The following PAK1 variants were observed in gnomAD, a reference collection of about 807,000 sequenced individuals.
PAK1 encodes the protein p21 (RAC1) activated kinase 1, also known as serine/threonine-protein kinase PAK 1.
Under a neutral mutation model 67.4 loss-of-function variants are expected in PAK1, and 29 were observed. The observed-to-expected ratio is 0.43, with a 90% CI of 0.32 to 0.59. The LOEUF (loss-of-function observed/expected upper bound fraction) is 0.59, where lower values mean the gene tolerates loss of function less well. Among genes scored for constraint, PAK1 ranks in the 20% least tolerant of loss-of-function variants. PAK1 has a pLI of 0.07. For missense variants in PAK1, 337 were observed against 670.7 expected (o/e 0.50, Z 5.50); for synonymous variants, 223 against 237.4 (o/e 0.94, Z 0.56).
chr11:77,401,336 TGGTTTA>T (rs1368654372), intron 1 of PAK1, among the ~76,000 whole-genome samples: 1 of 152,126 alleles, frequency 6.6e-6, no homozygotes, highest in Non-Finnish European at 1.5e-5. Context: ...CCACTTGCTC[TGGTTTA>T]GCAACACCTG....
chr11:77,449,473 G>T (rs993035160), intron 1 of PAK1, among the ~76,000 whole-genome samples: 3 of 148,700 alleles, frequency 2.0e-5, no homozygotes, highest in African/African-American at 7.3e-5. Context: ...CCCAGAAAGG[G>T]GATAGGGCAG....
intron 1 of PAK1, among the ~76,000 whole-genome samples, chr11:77,436,313 C>A (rs1956128180): frequency 6.6e-6 from 1 of 152,102 alleles, no homozygotes; most frequent in Non-Finnish European, 1.5e-5. Flanking sequence ...GAAAAGAAAA[C>A]CAACAGATTT....
intron 14 of PAK1, among the ~76,000 whole-genome samples, chr11:77,326,821 T>G (rs991402641): frequency 6.6e-6 from 1 of 152,142 alleles, no homozygotes; most frequent in African/African-American, 2.4e-5. Flanking sequence ...AGGCCTCAGA[T>G]GATCAGACTA....
chr11:77,474,232 CGGCT>C (rs1958015096), upstream of PAK1: 2 of 151,756 alleles, frequency 1.3e-5, no homozygotes, highest in African/African-American at 4.8e-5. Context: ...GCGGCGGCTG[CGGCT>C]CCGGTGGAGC....
intron 5 of PAK1, among the ~76,000 whole-genome samples, chr11:77,359,264 G>A (rs923391800): frequency 3.9e-5 from 6 of 152,066 alleles, no homozygotes; most frequent in African/African-American, 1.4e-4. Context: ...AGCTGTGAAT[G>A]GGAAGCTAGC....
the PAK1 span, among the ~76,000 whole-genome samples, chr11:77,506,456 A>G: frequency 6.6e-6 from 1 of 152,194 alleles, no homozygotes; most frequent in African/African-American, 2.4e-5. Flanking sequence ...GGACATAAGG[A>G]CAAGGTAAGG....
At chr11:77,474,216 G>A (rs1286955934), upstream of PAK1, 1 of 123,224 alleles carries the variant, frequency 8.1e-6, no homozygotes, top group East Asian at 3.5e-4. Flanking sequence ...CCTCCCCGGC[G>A]CGGCGGCGGC....
At chr11:77,494,744 G>C in the PAK1 span, among the ~76,000 whole-genome samples, 7 of 152,140 alleles carry the variant, frequency 4.6e-5, no homozygotes, top group African/African-American at 1.7e-4. Context: ...ATAGGGCCAG[G>C]CATGATGACT....
chr11:77,379,630 T>C (rs956055253), intron 3 of PAK1, among the ~76,000 whole-genome samples: 3 of 152,212 alleles, frequency 2.0e-5, no homozygotes, highest in Non-Finnish European at 4.4e-5. Context: ...GATAGGATGT[T>C]GTTCCTGCAT....
intron 1 of PAK1, among the ~76,000 whole-genome samples, chr11:77,436,838 TA>T (rs1845944006): frequency 6.6e-6 from 1 of 152,192 alleles, no homozygotes; most frequent in Admixed American, 6.5e-5. Flanking sequence ...TGCTGTACAG[TA>T]TGTCACCTGA....
intron 1 of PAK1, among the ~76,000 whole-genome samples, chr11:77,453,353 T>C (rs1228818106): frequency 6.6e-6 from 1 of 151,668 alleles, no homozygotes; most frequent in Admixed American, 6.6e-5. Flanking sequence ...AAACTCAGTC[T>C]CAGGAAAAAA....
At chr11:77,506,793 G>T in the PAK1 span, among the ~76,000 whole-genome samples, 1 of 152,206 alleles carries the variant, frequency 6.6e-6, no homozygotes, top group African/African-American at 2.4e-5. Flanking sequence ...TAACTCCCAG[G>T]TTTCTGAGAG....
At chr11:77,495,646 C>T in the PAK1 span, among the ~76,000 whole-genome samples, 15 of 152,054 alleles carry the variant, frequency 9.9e-5, no homozygotes, top group Admixed American at 4.6e-4. Context: ...CCCAAGTATC[C>T]ATGAAAGGAT....
chr11:77,493,275 G>T, the PAK1 span, among the ~76,000 whole-genome samples: 525 of 128,008 alleles, frequency 4.1e-3, 7 homozygotes, highest in African/African-American at 0.014. Context: ...TTTTTTTGTT[G>T]TTTTTTTTTT....
the PAK1 span, among the ~76,000 whole-genome samples, chr11:77,509,012 T>C: frequency 7.1e-6 from 1 of 141,080 alleles, no homozygotes; most frequent in Non-Finnish European, 1.5e-5. Context: ...GGCTCAAGCC[T>C]GTAATCCCAA....
chr11:77,332,022 G>T (rs1215476218), intron 14 of PAK1, among the ~76,000 whole-genome samples: 1 of 151,946 alleles, frequency 6.6e-6, no homozygotes, highest in East Asian at 2.0e-4. Flanking sequence ...ATACAAGCAG[G>T]CTGGTCATGG....
chr11:77,513,936 T>C, the PAK1 span, among the ~76,000 whole-genome samples: 1 of 152,176 alleles, frequency 6.6e-6, no homozygotes, highest in African/African-American at 2.4e-5. Flanking sequence ...TGGACACCTG[T>C]CACTTCATCT....
At position 77,353,593 on chromosome 11, in the gene PAK1, A is replaced by C; in HGVS notation, c.779T>G (p.Ile260Arg). Residue 260 changes from isoleucine (I) to arginine (R), a missense_variant, in exon 8 of 15, where the codon ATA becomes AGA. Ile to Arg is a moderately conservative substitution (Grantham distance 97, BLOSUM62 -3). This residue lies in a region of PAK1 where 150 missense variants were observed against 179.0 expected (regional missense o/e 0.84). Transcript: ENST00000356341. Reference sequence around the variant, plus strand: ...CTTCTTAGGATCGCCCACACTCACTATGCTTCCTTTGAAAGAAACAGAGAC... The same window carrying C: ...CTTCTTAGGATCGCCCACACTCACTCTGCTTCCTTTGAAAGAAACAGAGAC... ...DEEILEKLRSIVSVGDPKKKY... is the reference protein window; with the variant it reads ...DEEILEKLRSRVSVGDPKKKY... The C allele has an allele frequency of 6.2e-7, 1 of 1,608,228 alleles. No individual in the cohort carries two copies. The highest frequency in any genetic ancestry group is 8.5e-7 in the Non-Finnish European group (1 of 1,174,778).
chr11:77,490,267 G>A, the PAK1 span, among the ~76,000 whole-genome samples: 30 of 148,472 alleles, frequency 2.0e-4, 1 homozygote, highest in African/African-American at 4.8e-4. Flanking sequence ...CAGCCGCCCC[G>A]TCTCAGAGGG....
Sources: allele counts gnomAD v4.1 joint callset (sites outside exome capture counted in the v4.1 genomes callset), GRCh38; gene constraint gnomAD v4.1.1; regional missense constraint gnomAD v4.1.1; transcripts MANE v1.5; gene names NCBI Gene and HGNC (gene_info 2026-07-23, HGNC 2026-07-21).